The following CARD8 variants were observed in gnomAD, a reference collection of about 807,000 sequenced individuals.
The protein encoded by CARD8 is caspase recruitment domain family member 8.
Under a neutral mutation model 53.2 loss-of-function variants are expected in CARD8, and 38 were observed. The ratio of observed to expected loss-of-function variants is 0.71; its 90% CI spans 0.55 to 0.94. The LOEUF is 0.94. Ranked by LOEUF, CARD8 falls within the 40% of genes least tolerant of loss-of-function variation. The pLI is 0.00. For synonymous variants in CARD8, 245 were observed against 244.9 expected (o/e 1.00, Z 0.00); for missense variants, 561 against 655.5 (o/e 0.86, Z 1.57).
chr19:48,238,535 G>A lies in CARD8; in HGVS notation c.60-3C>T. On this transcript the variant is annotated splice_polypyrimidine_tract_variant and splice_region_variant and intron_variant, in intron 4 of 13. Coordinates refer to ENST00000651546, the MANE Select transcript of CARD8 (RefSeq NM_001184900.3). ...TGTTCCTACTGGATCCACTGTCCCT[G>A]GGAAAACACAAATGGAATTGGAATG... The A allele has an allele frequency of 6.5e-7, 1 of 1,536,056 alleles. No homozygotes were observed.
intron 1 of CARD8, among the ~76,000 whole-genome samples, chr19:48,251,827 G>A (rs1341903575): frequency 2.6e-5 from 4 of 152,138 alleles, no homozygotes; most frequent in South Asian, 2.1e-4. Context: ...CATCAACATG[G>A]CCAGTCTCCT....
At chr19:48,231,148 G>C in intron 8 of CARD8, 142 bp from the exon 9 acceptor site, 1 of 664,362 alleles carries the variant, frequency 1.5e-6, no homozygotes, top group Non-Finnish European at 2.7e-6. Flanking sequence ...AAACGCTGGG[G>C]AGTTCATTAA....
At chr19:48,237,900 A>T (rs978124603) in intron 5 of CARD8, among the ~76,000 whole-genome samples, 2 of 151,432 alleles carry the variant, frequency 1.3e-5, no homozygotes, top group African/African-American at 2.4e-5. Context: ...TATTGTTATT[A>T]TTTTTTTTGA....
intron 1 of CARD8, among the ~76,000 whole-genome samples, chr19:48,255,274 G>A (rs2161100): frequency 0.05 from 7,596 of 152,190 alleles, 628 homozygotes; most frequent in African/African-American, 0.17. Context: ...ACTGAGGCAC[G>A]AGAATCGCTT....
At chr19:48,222,668 G>A (rs1294527903) in intron 10 of CARD8, among the ~76,000 whole-genome samples, 4 of 149,974 alleles carry the variant, frequency 2.7e-5, no homozygotes, top group Non-Finnish European at 4.4e-5. Flanking sequence ...CAGCCTGGGC[G>A]ACAGAGCGAG....
intron 5 of CARD8, among the ~76,000 whole-genome samples, chr19:48,235,984 G>A (rs914188541): frequency 6.6e-6 from 1 of 151,976 alleles, no homozygotes; most frequent in African/African-American, 2.4e-5. Context: ...AACAACAAGA[G>A]CAAAAATCCT....
In CARD8 at chr19:48,230,946, T is replaced by C. The variant is rs2042754754; in HGVS notation, c.603A>G (p.Val201=). 6.2e-7 allele frequency: 1 copy of C among 1,614,000 alleles called. No homozygotes were observed. Among genetic ancestry groups the C allele is most frequent in the Non-Finnish European group, 8.5e-7 (1 of 1,180,020 alleles). The part of the protein sequence containing the change: ...LWSATGLGFL[V]RDEVTVTIAF... ...CAATCGTCACTGTGACCTCATCCCTTACCAGGAAGCCGAGGCCTGTGGCTG... is the reference window on the plus strand; with the variant it reads ...CAATCGTCACTGTGACCTCATCCCTCACCAGGAAGCCGAGGCCTGTGGCTG... Residue 201 remains valine (V), a synonymous_variant, in exon 9 of 14, where the codon GTA becomes GTG. Coordinates refer to ENST00000651546, the MANE Select transcript of CARD8 (RefSeq NM_001184900.3).
chr19:48,252,558 G>A (rs2047061117), intron 1 of CARD8, among the ~76,000 whole-genome samples: 1 of 150,914 alleles, frequency 6.6e-6, no homozygotes, highest in African/African-American at 2.4e-5. Context: ...GCAGTGGTGT[G>A]ATCTCAGCTC....
In CARD8 at chr19:48,214,769, C is replaced by CTTTTTTTTTT. The variant is rs531199248; in HGVS notation, c.1348+561_1348+570dup. On this transcript the variant is annotated intron_variant, in intron 13 of 13. Coordinates refer to ENST00000651546, the MANE Select transcript of CARD8 (RefSeq NM_001184900.3). ...CCTTCCTTTCATTCCTGCTATAAAG[C>CTTTTTTTTTT]TTTTTTTTTTTTTTTTTTTTTTTTT... Among the ~76,000 whole-genome samples, 35 of 89,562 alleles carry CTTTTTTTTTT rather than the reference C, an allele frequency of 3.9e-4. 1 individual carries two copies. Among genetic ancestry groups the CTTTTTTTTTT allele is most frequent in the African/African-American group, 5.8e-4 (12 of 20,582 alleles). 58.8% of individuals were successfully genotyped at this position (89,562 alleles called of 152,430 possible). A position where few individuals can be genotyped will look rare whatever the true frequency, so the allele number is the denominator to read the frequency against.
chr19:48,253,948 C>T (rs1161211361), intron 1 of CARD8, among the ~76,000 whole-genome samples: 1 of 152,164 alleles, frequency 6.6e-6, no homozygotes, highest in Non-Finnish European at 1.5e-5. Context: ...AATAACAACT[C>T]ACACAGCCAT....
intron 10 of CARD8, among the ~76,000 whole-genome samples, chr19:48,225,481 A>T (rs942645064): frequency 6.6e-6 from 1 of 152,008 alleles, no homozygotes; most frequent in African/African-American, 2.4e-5. Flanking sequence ...ACAGGGCAAG[A>T]CCCCTTCTCA....
intron 8 of CARD8, among the ~76,000 whole-genome samples, chr19:48,231,220 A>G (rs748009051): frequency 1.3e-5 from 2 of 152,222 alleles, no homozygotes; most frequent in Non-Finnish European, 2.9e-5. Flanking sequence ...CCAACTTCAC[A>G]GTGCATGAAA....
rs1487248943 is a variant in CARD8 at position 48,221,864 on chromosome 19, G to A, written c.1036-9C>T. On this transcript the variant is annotated splice_polypyrimidine_tract_variant and intron_variant, in intron 10 of 13. Coordinates refer to ENST00000651546, the MANE Select transcript of CARD8 (RefSeq NM_001184900.3). ...TCCTCATCATCTATCGCCTAAGGAA[G>A]AAGGGGCAGAAACATTAGAGAGCAC... 5 of 1,581,512 alleles carry A rather than the reference G, an allele frequency of 3.2e-6. No homozygotes were observed. The East Asian group carries it at 9.0e-5, about 28-fold the overall frequency.
chr19:48,239,376 C>T (rs536096781), intron 4 of CARD8, among the ~76,000 whole-genome samples: 4 of 152,108 alleles, frequency 2.6e-5, no homozygotes, highest in Admixed American at 6.5e-5. Flanking sequence ...AATTACTTAG[C>T]GCAAGAGTTG....
At chr19:48,203,523 A>G (rs2037238778), downstream of CARD8, 1 of 152,802 alleles carries the variant, frequency 6.5e-6, no homozygotes, top group South Asian at 2.1e-4. Context: ...TAGTGTGTGT[A>G]CCAGTGTTCT....
Position 48,214,769 on chromosome 19 carries a change from CTT to C in CARD8, c.1348+569_1348+570del, listed in dbSNP as rs531199248. ...CCTTCCTTTCATTCCTGCTATAAAG[CTT>C]TTTTTTTTTTTTTTTTTTTTTTTTT... On this transcript the variant is annotated intron_variant, in intron 13 of 13. Coordinates refer to ENST00000651546, the MANE Select transcript of CARD8 (RefSeq NM_001184900.3). Among the ~76,000 whole-genome samples, 11 of 89,562 alleles carry C rather than the reference CTT, an allele frequency of 1.2e-4. 1 individual carries two copies. The highest frequency in any genetic ancestry group is 5.3e-4 in the African/African-American group (11 of 20,582). 58.8% of individuals were successfully genotyped at this position (89,562 alleles called of 152,430 possible).
intron 12 of CARD8, among the ~76,000 whole-genome samples, 166 bp downstream of exon 12, chr19:48,218,705 C>CCCTTTTGTTGTTGT (rs2039884904): frequency 6.6e-6 from 1 of 152,048 alleles, no homozygotes; most frequent in South Asian, 2.1e-4. Context: ...CAAAAGGCCC[C>CCCTTTTGTTGTTGT]AGTGTGTGTT....
intron 4 of CARD8, 59 bp downstream of exon 4, chr19:48,240,903 A>G (rs1236234572): frequency 2.3e-6 from 3 of 1,299,068 alleles, no homozygotes; most frequent in South Asian, 2.5e-5. Flanking sequence ...CTCATGAACT[A>G]TAACGAAACA....
rs370220292 is a variant in CARD8 at position 48,252,803 on chromosome 19, GTA to G, written c.-251-2958_-251-2957del. Among the ~76,000 whole-genome samples the G allele has an allele frequency of 2.1e-4, 13 of 60,812 alleles. No homozygotes were observed. The South Asian group carries it at 2.4e-3, about 11-fold the overall frequency. The allele number at this position is 60,812 out of a possible 152,430, so 39.9% of individuals were successfully genotyped here. ...GTGAGCCACCGCACTGGCCTTATCA[GTA>G]TATACACACACACACACACACACAC... On this transcript the variant is annotated intron_variant, in intron 1 of 13. Coordinates refer to ENST00000651546, the MANE Select transcript of CARD8 (RefSeq NM_001184900.3).
Sources: allele counts gnomAD v4.1 joint callset (sites outside exome capture counted in the v4.1 genomes callset), GRCh38; gene constraint gnomAD v4.1.1; transcripts MANE v1.5; gene names NCBI Gene and HGNC (gene_info 2026-07-23, HGNC 2026-07-21).